The following DDX31 variants were observed in gnomAD, a reference collection of about 807,000 sequenced individuals.
The protein encoded by DDX31 is ATP-dependent DNA helicase DDX31.
Under a neutral mutation model 91.3 loss-of-function variants are expected in DDX31, and 70 were observed. The ratio of observed to expected loss-of-function variants is 0.77; its 90% confidence interval spans 0.63 to 0.94. The LOEUF is 0.94. Ranked by LOEUF, DDX31 falls within the 40% of genes least tolerant of loss-of-function variation. DDX31 has a pLI of 0.00. For synonymous variants in DDX31, 362 were observed against 350.6 expected (o/e 1.03, Z -0.36); for missense variants, 902 against 925.0 (o/e 0.98, Z 0.32).
At chr9:132,643,796 G>A (rs367910349) in intron 13 of DDX31, among the ~76,000 whole-genome samples, 3 of 152,000 alleles carry the variant, frequency 2.0e-5, no homozygotes, top group East Asian at 1.9e-4. Flanking sequence ...TCTGCTGCAC[G>A]GTCTTTATAA....
chr9:132,606,761 G>C (rs767123552), intron 19 of DDX31, among the ~76,000 whole-genome samples: 1 of 152,158 alleles, frequency 6.6e-6, no homozygotes, highest in Non-Finnish European at 1.5e-5. Context: ...TTCAATCCCA[G>C]ATGTAATCAC....
chr9:132,611,389 G>C (rs559695405), intron 19 of DDX31, among the ~76,000 whole-genome samples: 1 of 152,288 alleles, frequency 6.6e-6, no homozygotes, highest in South Asian at 2.1e-4. Context: ...GAGGGCTGAG[G>C]CTGGTACTAA....
chr9:132,603,053 C>T (rs1359321735), intron 19 of DDX31, among the ~76,000 whole-genome samples: 3 of 152,320 alleles, frequency 2.0e-5, no homozygotes, highest in Non-Finnish European at 2.9e-5. Flanking sequence ...CTGGCCACTG[C>T]GGATCCTGCC....
Position 132,642,078 on chromosome 9 carries a change from A to G in DDX31, c.1381-15T>C, listed in dbSNP as rs749638307. The G allele has an allele frequency of 1.9e-6, 3 of 1,613,654 alleles. No individual in the cohort carries two copies. The highest frequency in any genetic ancestry group is 2.5e-6 in the Non-Finnish European group (3 of 1,179,546). ...GCTGTTCTTTCCTACAAAAACAAGG[A>G]AAAATAGAGCCTTACAACTCAGAGA... On this transcript the variant is annotated splice_polypyrimidine_tract_variant and intron_variant, in intron 13 of 19. Coordinates refer to ENST00000372159, the MANE Select transcript of DDX31 (RefSeq NM_022779.9).
intron 3 of DDX31, among the ~76,000 whole-genome samples, 163 bp from the exon 4 acceptor site, chr9:132,661,414 G>A (rs74976163): frequency 0.012 from 1,804 of 152,228 alleles, 32 homozygotes; most frequent in African/African-American, 0.041. Context: ...TCTGCCACCC[G>A]CCCTAACTCC....
intron 16 of DDX31, among the ~76,000 whole-genome samples, chr9:132,626,021 T>A (rs561964571): frequency 1.3e-5 from 2 of 152,318 alleles, no homozygotes; most frequent in East Asian, 3.9e-4. Context: ...TATGTCATTA[T>A]TTCTTAATAA....
rs373447387 is a variant in DDX31, at chr9:132,646,505, G to A, written c.1203+318C>T. On this transcript the variant is annotated intron_variant, in intron 12 of 19. Transcript: ENST00000372159. Reference sequence around the variant, plus strand: ...TAAATACACAAATGCCAAGACTCTTGGAGAAACATGAGCACAAGCCCCTAC... The same window carrying A: ...TAAATACACAAATGCCAAGACTCTTAGAGAAACATGAGCACAAGCCCCTAC... 2.0e-4 allele frequency among the ~76,000 whole-genome samples: 30 copies of A among 152,210 alleles called. 1 individual carries two copies. In the South Asian group the frequency reaches 2.7e-3, roughly 14 times the overall value.
chr9:132,657,459 T>C (rs1834639708), intron 6 of DDX31, among the ~76,000 whole-genome samples: 1 of 152,354 alleles, frequency 6.6e-6, no homozygotes, highest in African/African-American at 2.4e-5. Context: ...CATTTGTATA[T>C]TTATTTATTA....
rs972530641 is a variant in DDX31 at position 132,662,606 on chromosome 9, C to T, written c.165G>A (p.Lys55=). The T allele has an allele frequency of 6.2e-7, 1 of 1,614,068 alleles. No individual in the cohort carries two copies. Among genetic ancestry groups the T allele is most frequent in the African/African-American group, 1.3e-5 (1 of 74,910 alleles). ...RRNETSFLPA[K]KTSVKETQRT... ...TCTGAGTTTCTTTAACACTAGTTTT[C>T]TTGGCTGGGAGAAATGAAGTTTCGT... The change falls in exon 2 of 20, where the codon AAG becomes AAA. Residue 55 remains lysine (K), a synonymous_variant. Transcript: ENST00000372159.
intron 14 of DDX31, chr9:132,637,822 C>G (rs183359116): frequency 1.0e-6 from 1 of 985,474 alleles, no homozygotes; most frequent in Non-Finnish European, 1.2e-6. Context: ...CAAAATAAAA[C>G]GAAAAAGATA....
intron 19 of DDX31, among the ~76,000 whole-genome samples, chr9:132,598,781 T>G (rs1463991849): frequency 1.3e-5 from 2 of 152,246 alleles, no homozygotes; most frequent in Non-Finnish European, 2.9e-5. Context: ...GTTTTATGGC[T>G]TTAGGGTCAT....
chr9:132,606,708 CTG>C (rs1433874084), intron 19 of DDX31, among the ~76,000 whole-genome samples: 1 of 152,136 alleles, frequency 6.6e-6, no homozygotes, highest in Non-Finnish European at 1.5e-5. Context: ...GGCACACAGA[CTG>C]TAAGTGGCCC....
chr9:132,603,171 C>A (rs1012727224), intron 19 of DDX31, among the ~76,000 whole-genome samples: 1 of 152,246 alleles, frequency 6.6e-6, no homozygotes, highest in Admixed American at 6.5e-5. Context: ...GCCACCGCCA[C>A]GAGCACTTAA....
At chr9:132,616,375 C>T (rs1385019549) in intron 18 of DDX31, among the ~76,000 whole-genome samples, 1 of 152,110 alleles carries the variant, frequency 6.6e-6, no homozygotes, top group Non-Finnish European at 1.5e-5. Context: ...TTAACAAGTT[C>T]AATGGTAATA....
intron 14 of DDX31, among the ~76,000 whole-genome samples, chr9:132,636,986 G>A (rs1833159478): frequency 6.6e-6 from 1 of 152,150 alleles, no homozygotes. Flanking sequence ...ATGAGACCAC[G>A]TATATGACAA....
chr9:132,643,556 T>C (rs370615699), intron 13 of DDX31, among the ~76,000 whole-genome samples: 1 of 152,222 alleles, frequency 6.6e-6, no homozygotes, highest in Non-Finnish European at 1.5e-5. Context: ...GTGCCCACCA[T>C]GTACCAGACC....
chr9:132,664,560 A>G (rs578194329), intron 1 of DDX31, among the ~76,000 whole-genome samples: 34 of 152,064 alleles, frequency 2.2e-4, no homozygotes, highest in African/African-American at 8.0e-4. Flanking sequence ...AAATACAAAA[A>G]TTAGCTGGGC....
Position 132,594,251 on chromosome 9 carries a change from C to T in DDX31, c.*615G>A, listed in dbSNP as rs1830325376. The T allele has an allele frequency of 6.6e-6, 1 of 152,240 alleles. No homozygotes were observed. The highest frequency in any genetic ancestry group is 2.4e-5 in the African/African-American group (1 of 41,438). 9.4% of individuals were successfully genotyped at this position (152,240 alleles called of 1,614,324 possible). A position where few individuals can be genotyped will look rare whatever the true frequency, so the allele number is the denominator to read the frequency against. On this transcript the variant is annotated 3_prime_UTR_variant, in exon 20 of 20. Coordinates refer to ENST00000372159, the MANE Select transcript of DDX31 (RefSeq NM_022779.9). The stretch of plus-strand genomic sequence containing the variant: ...GAGGGAGCAATGCATGTAAATGCAA[C>T]CTCGTGTTTCCAGAAGAAAATAAGA...
At chr9:132,622,562 A>G (rs1832105549) in intron 17 of DDX31, among the ~76,000 whole-genome samples, 1 of 152,226 alleles carries the variant, frequency 6.6e-6, no homozygotes, top group Non-Finnish European at 1.5e-5. Flanking sequence ...AACTCCCTGG[A>G]GAGAAATGAT....
Sources: gnomAD v4.1 joint callset for allele counts (sites outside exome capture counted in the v4.1 genomes callset) on GRCh38, gnomAD v4.1.1 for gene constraint, MANE v1.5 for transcripts, NCBI Gene and HGNC (gene_info 2026-07-23, HGNC 2026-07-21) for gene names.